The following SDK1 variants were observed in gnomAD, a reference collection of about 807,000 sequenced individuals.
SDK1 encodes the protein sidekick cell adhesion molecule 1.
In SDK1, 157 loss-of-function variants were observed where a neutral mutation model predicts 245.5. The observed-to-expected ratio is 0.64, with a 90% CI of 0.56 to 0.73. The LOEUF (loss-of-function observed/expected upper bound fraction) is 0.73. Among genes scored for constraint, SDK1 ranks in the 30% least tolerant of loss-of-function variants. The pLI is 0.00. For synonymous variants in SDK1, 1,647 were observed against 1,278.5 expected (o/e 1.29, Z -6.15); for missense variants, 3,583 against 3,002.3 (o/e 1.19, Z -4.52).
At position 4,179,758 on chromosome 7, in the gene SDK1, G is replaced by A. The variant is rs632936; in HGVS notation, c.5098+1172G>A. Among the ~76,000 whole-genome samples, 1,464 of 152,080 alleles carry A rather than the reference G, an allele frequency of 9.6e-3. 9 individuals carry two copies. Among genetic ancestry groups the A allele is most frequent in the Non-Finnish European group, 0.015 (1,050 of 67,962 alleles). On this transcript the variant is annotated intron_variant, in intron 35 of 44. Transcript: ENST00000404826. ...TGTCAGAGAGGGGTGCCAGGGTGCCGTCAGTAAAGGGTGGGTGCCACTGCG... is the reference window on the plus strand; with the variant it reads ...TGTCAGAGAGGGGTGCCAGGGTGCCATCAGTAAAGGGTGGGTGCCACTGCG...
At chr7:3,474,180 G>A (rs1426757722) in intron 1 of SDK1, among the ~76,000 whole-genome samples, 1 of 128,030 alleles carries the variant, frequency 7.8e-6, no homozygotes, top group Admixed American at 9.9e-5. Flanking sequence ...TCGGCTCACT[G>A]CAACCTCTGC....
intron 1 of SDK1, among the ~76,000 whole-genome samples, chr7:3,381,026 A>G (rs1781474617): frequency 6.6e-6 from 1 of 152,162 alleles, no homozygotes; most frequent in Non-Finnish European, 1.5e-5. Flanking sequence ...GAGAATGGAT[A>G]TTGGTAGGCA....
chr7:3,683,605 G>T (rs530621963), intron 4 of SDK1, among the ~76,000 whole-genome samples: 1 of 152,312 alleles, frequency 6.6e-6, no homozygotes, highest in South Asian at 2.1e-4. Context: ...GTTCCTCCCA[G>T]GTCCTCCACC....
At chr7:3,744,341 T>A (rs1014846421) in intron 4 of SDK1, among the ~76,000 whole-genome samples, 1 of 152,144 alleles carries the variant, frequency 6.6e-6, no homozygotes, top group African/African-American at 2.4e-5. Context: ...AGCTTCTTTG[T>A]CTGTTCATTG....
intron 1 of SDK1, among the ~76,000 whole-genome samples, chr7:3,487,282 A>T (rs1333039506): frequency 6.6e-6 from 1 of 152,212 alleles, no homozygotes; most frequent in Non-Finnish European, 1.5e-5. Flanking sequence ...GTTGAAAAAC[A>T]TACAACTTTA....
intron 1 of SDK1, among the ~76,000 whole-genome samples, chr7:3,589,871 AC>A (rs1346205767): frequency 6.6e-6 from 1 of 152,202 alleles, no homozygotes; most frequent in Non-Finnish European, 1.5e-5. Context: ...TTTGCATAAT[AC>A]CCAGACTGTG....
chr7:3,707,320 C>G (rs1468801860), intron 4 of SDK1, among the ~76,000 whole-genome samples: 1 of 152,160 alleles, frequency 6.6e-6, no homozygotes, highest in African/African-American at 2.4e-5. Flanking sequence ...AAAAATCATT[C>G]CAGGAGCAGG....
chr7:4,245,882 G>A, intron 44 of SDK1, 77 bp downstream of exon 44: 1 of 1,558,494 alleles, frequency 6.4e-7, no homozygotes, highest in South Asian at 1.1e-5. Context: ...CCCTCAGGCT[G>A]TCTTGTCCTA....
intron 5 of SDK1, among the ~76,000 whole-genome samples, chr7:3,934,361 G>C (rs1329078682): frequency 6.6e-6 from 1 of 152,056 alleles, no homozygotes; most frequent in East Asian, 1.9e-4. Flanking sequence ...CTTTGTTCTT[G>C]GTTTATCTAT....
chr7:3,636,511 G>A (rs1159603405), intron 2 of SDK1, among the ~76,000 whole-genome samples: 4 of 152,170 alleles, frequency 2.6e-5, no homozygotes, highest in African/African-American at 7.2e-5. Flanking sequence ...CCTGCATGAC[G>A]TCATGCTATG....
chr7:3,700,611 A>G (rs1784711676), intron 4 of SDK1, among the ~76,000 whole-genome samples: 1 of 152,232 alleles, frequency 6.6e-6, no homozygotes, highest in African/African-American at 2.4e-5. Flanking sequence ...TTCAAGTAAC[A>G]GAAAAGCAAA....
At chr7:4,091,017 G>C (rs958149891) in intron 22 of SDK1, among the ~76,000 whole-genome samples, 2 of 152,070 alleles carry the variant, frequency 1.3e-5, no homozygotes, top group Non-Finnish European at 2.9e-5. Context: ...TGCCCTGCTT[G>C]GACACCATTC....
intron 1 of SDK1, among the ~76,000 whole-genome samples, chr7:3,373,449 AAACTT>A (rs1398925964): frequency 1.3e-5 from 2 of 152,216 alleles, no homozygotes; most frequent in Non-Finnish European, 2.9e-5. Context: ...GTACTTGACA[AAACTT>A]AACATCTATC....
intron 1 of SDK1, among the ~76,000 whole-genome samples, chr7:3,602,676 T>G (rs1360569721): frequency 4.6e-5 from 7 of 151,980 alleles, no homozygotes; most frequent in African/African-American, 7.2e-5. Flanking sequence ...AGCTCTTTAG[T>G]TTAATTAGAT....
At chr7:4,226,330 T>C (rs1785444185) in intron 40 of SDK1, among the ~76,000 whole-genome samples, 1 of 152,162 alleles carries the variant, frequency 6.6e-6, no homozygotes, top group African/African-American at 2.4e-5. Flanking sequence ...CTGATGTCTC[T>C]CTATCCAGCT....
intron 4 of SDK1, among the ~76,000 whole-genome samples, chr7:3,816,754 G>T (rs1167061635): frequency 6.6e-6 from 1 of 152,126 alleles, no homozygotes; most frequent in East Asian, 1.9e-4. Context: ...CCTTGAACTT[G>T]CTTAAATTGT....
intron 4 of SDK1, among the ~76,000 whole-genome samples, chr7:3,706,256 T>G (rs112085196): frequency 2.6e-5 from 4 of 152,322 alleles, no homozygotes; most frequent in African/African-American, 9.6e-5. Context: ...TTTCCTGGCT[T>G]GGTACCAGGG....
chr7:3,776,364 A>G (rs1172789902), intron 4 of SDK1, among the ~76,000 whole-genome samples: 1 of 152,242 alleles, frequency 6.6e-6, no homozygotes, highest in Non-Finnish European at 1.5e-5. Context: ...TTGCACGGTG[A>G]AAATCTATTC....
chr7:3,944,305 A>C (rs936276220), intron 5 of SDK1, among the ~76,000 whole-genome samples: 2 of 152,246 alleles, frequency 1.3e-5, no homozygotes, highest in African/African-American at 4.8e-5. Context: ...AATGGGCAAC[A>C]TGTGTAAATC....
Sources: gnomAD v4.1 joint callset for allele counts (sites outside exome capture counted in the v4.1 genomes callset) on GRCh38, gnomAD v4.1.1 for gene constraint, MANE v1.5 for transcripts, NCBI Gene and HGNC (gene_info 2026-07-23, HGNC 2026-07-21) for gene names.